Variants in OPCML observed in about 807,000 individuals in gnomAD.
OPCML encodes opioid binding protein/cell adhesion molecule like, also known as opioid-binding protein/cell adhesion molecule.
OPCML carries 13 observed loss-of-function variants against 37.8 expected under a neutral mutation model. The ratio of observed to expected loss-of-function variants is 0.34; its 90% CI spans 0.22 to 0.55. The LOEUF (loss-of-function observed/expected upper bound fraction) is 0.55, where lower values mean the gene tolerates loss of function less well. Among genes scored for constraint, OPCML ranks in the 20% least tolerant of loss-of-function variants. The probability of loss-of-function intolerance (pLI) is 0.91; values close to 1 mark genes in which losing one functional copy is unlikely to be tolerated. For synonymous variants in OPCML, 176 were observed against 168.8 expected (o/e 1.04, Z -0.33); for missense variants, 341 against 435.6 (o/e 0.78, Z 1.93).
At chr11:133,326,803 G>A (rs1230047770) in intron 1 of OPCML, among the ~76,000 whole-genome samples, 2 of 146,296 alleles carry the variant, frequency 1.4e-5, no homozygotes, top group East Asian at 2.1e-4. Flanking sequence ...GGGTGTGGGT[G>A]TGTGTACATT....
intron 1 of OPCML, among the ~76,000 whole-genome samples, chr11:133,397,306 T>C (rs974282326): frequency 6.6e-6 from 1 of 152,188 alleles, no homozygotes; most frequent in Non-Finnish European, 1.5e-5. Flanking sequence ...AATGTTTCAT[T>C]TATCCATAAT....
intron 4 of OPCML, among the ~76,000 whole-genome samples, chr11:132,513,794 T>C (rs368114371): frequency 1.3e-5 from 2 of 152,230 alleles, no homozygotes; most frequent in African/African-American, 2.4e-5. Flanking sequence ...CCTGTGAACC[T>C]ACAACATGAT....
chr11:133,529,588 C>T (rs1948561804), intron 1 of OPCML, among the ~76,000 whole-genome samples: 1 of 152,198 alleles, frequency 6.6e-6, no homozygotes, highest in Non-Finnish European at 1.5e-5. Context: ...GCGACAACAG[C>T]ATTAACCTTA....
chr11:132,990,743 A>G (rs1240094067), intron 1 of OPCML, among the ~76,000 whole-genome samples: 1 of 152,214 alleles, frequency 6.6e-6, no homozygotes, highest in Non-Finnish European at 1.5e-5. Flanking sequence ...AGAACTGAAG[A>G]TTTTAGTTGT....
chr11:133,107,873 G>A (rs1949185713), intron 1 of OPCML, among the ~76,000 whole-genome samples: 1 of 152,060 alleles, frequency 6.6e-6, no homozygotes, highest in African/African-American at 2.4e-5. Flanking sequence ...GATTCTCAAC[G>A]TACTCGAGAC....
intron 4 of OPCML, among the ~76,000 whole-genome samples, chr11:132,445,047 C>T (rs1329841345): frequency 1.3e-5 from 2 of 152,244 alleles, no homozygotes; most frequent in African/African-American, 4.8e-5. Context: ...GCTCAGAAAC[C>T]TTTCTCAGGC....
At chr11:132,937,552 G>C (rs1323009485) in intron 2 of OPCML, among the ~76,000 whole-genome samples, 1 of 149,758 alleles carries the variant, frequency 6.7e-6, no homozygotes, top group African/African-American at 2.5e-5. Flanking sequence ...TGTGTGTGGA[G>C]TGTGTGTGTG....
intron 3 of OPCML, among the ~76,000 whole-genome samples, chr11:132,628,344 T>G (rs545440653): frequency 6.6e-6 from 1 of 152,342 alleles, no homozygotes; most frequent in South Asian, 2.1e-4. Context: ...GAAAAAAGCA[T>G]TTTTCAAATT....
intron 1 of OPCML, among the ~76,000 whole-genome samples, chr11:132,961,272 G>A (rs1005303270): frequency 3.3e-5 from 5 of 152,110 alleles, no homozygotes; most frequent in African/African-American, 1.2e-4. Context: ...CATTGATGCC[G>A]TAGAAGAATG....
rs2136631498 is a variant in OPCML, at chr11:132,417,242, A to G, written c.*2951T>C. The G allele has an allele frequency of 6.6e-6, 1 of 152,304 alleles. No homozygotes were observed. The allele number at this position is 152,304 out of a possible 1,614,324, so 9.4% of individuals were successfully genotyped here. A position where few individuals can be genotyped will look rare whatever the true frequency, so the allele number is the denominator to read the frequency against. ...CTTGTGTAAGCATTTGTTGTTCTATATGCTTCAAAATGATGGGTGACAGCC... is the reference window on the plus strand; with the variant it reads ...CTTGTGTAAGCATTTGTTGTTCTATGTGCTTCAAAATGATGGGTGACAGCC... On this transcript the variant is annotated 3_prime_UTR_variant, in exon 8 of 8. Transcript: ENST00000524381.
At chr11:133,083,277 C>G (rs1247088892) in intron 1 of OPCML, among the ~76,000 whole-genome samples, 2 of 152,188 alleles carry the variant, frequency 1.3e-5, no homozygotes, top group Non-Finnish European at 2.9e-5. Flanking sequence ...GCCGGGCGCG[C>G]GCTGTGGTCT....
At chr11:132,871,442 A>G (rs916257404) in intron 2 of OPCML, among the ~76,000 whole-genome samples, 9 of 152,256 alleles carry the variant, frequency 5.9e-5, no homozygotes, top group African/African-American at 2.2e-4. Context: ...TTCCCTAAGC[A>G]ATGCAATATC....
chr11:132,999,369 A>G (rs1433558010), intron 1 of OPCML, among the ~76,000 whole-genome samples: 2 of 152,194 alleles, frequency 1.3e-5, no homozygotes, highest in Admixed American at 6.5e-5. Flanking sequence ...TTAATTTCCA[A>G]TTCTTTCCAG....
At chr11:132,563,167 A>G (rs2096414348) in intron 3 of OPCML, among the ~76,000 whole-genome samples, 2 of 152,118 alleles carry the variant, frequency 1.3e-5, no homozygotes, top group Admixed American at 1.3e-4. Flanking sequence ...CCCCTGAGAT[A>G]TATGTTATTA....
At chr11:132,628,417 A>C (rs777599831) in intron 3 of OPCML, among the ~76,000 whole-genome samples, 2 of 152,098 alleles carry the variant, frequency 1.3e-5, no homozygotes, top group African/African-American at 2.4e-5. Context: ...TCCTGTCTTT[A>C]TTTTCTTTAT....
At chr11:132,734,378 T>G (rs1251686687) in intron 2 of OPCML, among the ~76,000 whole-genome samples, 7 of 152,196 alleles carry the variant, frequency 4.6e-5, no homozygotes, top group Admixed American at 6.5e-5. Context: ...ACCTTGGTAT[T>G]TCTTGAATGA....
At chr11:133,307,096 G>C (rs1942940445) in intron 1 of OPCML, among the ~76,000 whole-genome samples, 1 of 152,038 alleles carries the variant, frequency 6.6e-6, no homozygotes, top group African/African-American at 2.4e-5. Flanking sequence ...TCCCTCCGCT[G>C]TTCCTCCCCT....
chr11:132,459,875 C>A (rs1035396895), intron 4 of OPCML, among the ~76,000 whole-genome samples: 3 of 152,164 alleles, frequency 2.0e-5, no homozygotes, highest in Admixed American at 2.0e-4. Context: ...AGCTCAAATT[C>A]CATTTTTAGC....
intron 1 of OPCML, among the ~76,000 whole-genome samples, chr11:133,127,155 T>G (rs1300499577): frequency 6.6e-6 from 1 of 152,190 alleles, no homozygotes; most frequent in African/African-American, 2.4e-5. Context: ...CTTCTAGGCT[T>G]AAATGGCTTT....
Sources: allele counts gnomAD v4.1 joint callset (sites outside exome capture counted in the v4.1 genomes callset), GRCh38; gene constraint gnomAD v4.1.1; transcripts MANE v1.5; gene names NCBI Gene and HGNC (gene_info 2026-07-23, HGNC 2026-07-21).